NLGN1: variants seen among roughly 807,000 people sequenced by gnomAD.
NLGN1 encodes neuroligin 1.
In NLGN1, 12 loss-of-function variants were observed where a neutral mutation model predicts 65.5. That is an observed-to-expected ratio of 0.18 (90% CI 0.12 to 0.30). NLGN1 has a LOEUF of 0.30. Ranked by LOEUF, NLGN1 falls within the 10% of genes least tolerant of loss-of-function variation. NLGN1 has a pLI of 1.00. For missense variants in NLGN1, 750 were observed against 1,007.1 expected (o/e 0.74, Z 3.46); for synonymous variants, 350 against 359.5 (o/e 0.97, Z 0.30).
At chr3:174,211,226 C>A (rs557215310) in intron 4 of NLGN1, among the ~76,000 whole-genome samples, 1 of 152,178 alleles carries the variant, frequency 6.6e-6, no homozygotes, top group African/African-American at 2.4e-5. Context: ...GGGACCCCAG[C>A]GGGTTGCCAA....
chr3:173,412,363 A>G (rs1249425423), intron 1 of NLGN1, among the ~76,000 whole-genome samples: 1 of 151,948 alleles, frequency 6.6e-6, no homozygotes, highest in Non-Finnish European at 1.5e-5. Context: ...ACATATTTGC[A>G]CAGGTGATTT....
intron 3 of NLGN1, among the ~76,000 whole-genome samples, chr3:173,628,041 C>G (rs1209270439): frequency 6.6e-6 from 1 of 152,074 alleles, no homozygotes; most frequent in Non-Finnish European, 1.5e-5. Context: ...AGGTATTGCT[C>G]TCTTCTTCTG....
intron 4 of NLGN1, among the ~76,000 whole-genome samples, chr3:174,274,830 C>CAA (rs1300694934): frequency 6.6e-6 from 1 of 151,088 alleles, no homozygotes; most frequent in Non-Finnish European, 1.5e-5. Flanking sequence ...TCTTTCTCTA[C>CAA]AAGTCTTACA....
At chr3:173,881,342 C>T (rs1423733960) in intron 4 of NLGN1, among the ~76,000 whole-genome samples, 1 of 151,572 alleles carries the variant, frequency 6.6e-6, no homozygotes, top group Non-Finnish European at 1.5e-5. Context: ...TGTGATCCAC[C>T]TGCCTCGGCC....
intron 1 of NLGN1, among the ~76,000 whole-genome samples, chr3:173,419,017 C>CTTTTTTTTT (rs1714402944): frequency 1.8e-4 from 2 of 11,284 alleles, no homozygotes; most frequent in African/African-American, 7.6e-4. Flanking sequence ...CTTTCTTCTT[C>CTTTTTTTTT]TTCTTTTTTT....
At chr3:174,088,757 AAAATAAATAAATAAATAAAT>A (rs71162375) in intron 4 of NLGN1, among the ~76,000 whole-genome samples, 13 of 141,238 alleles carry the variant, frequency 9.2e-5, no homozygotes, top group African/African-American at 1.9e-4. Flanking sequence ...CATCTCAATA[AAAATAAATAAATAAATAAAT>A]AAATAAATAA....
intron 2 of NLGN1, among the ~76,000 whole-genome samples, chr3:173,504,875 G>A (rs910253848): frequency 4.6e-5 from 7 of 151,694 alleles, no homozygotes; most frequent in Admixed American, 1.3e-4. Context: ...AGTCTATTTC[G>A]TGTTGGACTT....
chr3:173,536,521 A>C (rs932656753), intron 2 of NLGN1, among the ~76,000 whole-genome samples: 10 of 152,246 alleles, frequency 6.6e-5, no homozygotes, highest in African/African-American at 2.4e-4. Context: ...GAGTATCTTC[A>C]TGTACTTGTT....
chr3:173,455,922 A>G (rs950810795), intron 2 of NLGN1, among the ~76,000 whole-genome samples: 1 of 152,150 alleles, frequency 6.6e-6, no homozygotes, highest in Non-Finnish European at 1.5e-5. Context: ...ATTCCAGTAC[A>G]GGTGGGAGGG....
intron 3 of NLGN1, among the ~76,000 whole-genome samples, chr3:173,759,619 C>CA (rs896482634): frequency 1.8e-4 from 27 of 151,848 alleles, no homozygotes; most frequent in African/African-American, 6.3e-4. Flanking sequence ...TCTACTGAGG[C>CA]AAAAAGCCCT....
chr3:174,050,443 C>G (rs969996827), intron 4 of NLGN1, among the ~76,000 whole-genome samples: 1 of 151,764 alleles, frequency 6.6e-6, no homozygotes, highest in African/African-American at 2.4e-5. Context: ...TCAGATTGAC[C>G]TAGCATTTAA....
intron 4 of NLGN1, among the ~76,000 whole-genome samples, chr3:174,162,157 G>C: frequency 6.6e-6 from 1 of 151,892 alleles, no homozygotes; most frequent in East Asian, 1.9e-4. Context: ...ATGTGTGTTA[G>C]ATATGATTTT....
At chr3:174,079,192 G>GA (rs375959106) in intron 4 of NLGN1, among the ~76,000 whole-genome samples, 52 of 145,736 alleles carry the variant, frequency 3.6e-4, no homozygotes, top group African/African-American at 1.1e-3. Context: ...AAATTTACAA[G>GA]AAAAAAAAAA....
intron 4 of NLGN1, among the ~76,000 whole-genome samples, chr3:174,166,893 A>G (rs892286453): frequency 3.3e-5 from 5 of 151,808 alleles, no homozygotes; most frequent in Non-Finnish European, 7.4e-5. Flanking sequence ...TTTTGTATAG[A>G]TAAGTCTTCT....
At chr3:174,069,444 G>A (rs1043298911) in intron 4 of NLGN1, among the ~76,000 whole-genome samples, 10 of 152,142 alleles carry the variant, frequency 6.6e-5, no homozygotes, top group East Asian at 1.9e-4. Flanking sequence ...TTGCAGTGAC[G>A]GGAAAGATGA....
chr3:174,092,786 A>C (rs1178515170), intron 4 of NLGN1, among the ~76,000 whole-genome samples: 1 of 152,172 alleles, frequency 6.6e-6, no homozygotes, highest in East Asian at 1.9e-4. Flanking sequence ...TAAAGAGAAT[A>C]TGAACATTCA....
At chr3:173,493,494 T>C (rs1488883206) in intron 2 of NLGN1, among the ~76,000 whole-genome samples, 1 of 151,918 alleles carries the variant, frequency 6.6e-6, no homozygotes, top group East Asian at 1.9e-4. Flanking sequence ...GTGGGTGATG[T>C]ATGTTAGTTA....
At chr3:173,524,525 C>T (rs1285292058) in intron 2 of NLGN1, among the ~76,000 whole-genome samples, 1 of 152,140 alleles carries the variant, frequency 6.6e-6, no homozygotes, top group Admixed American at 6.5e-5. Flanking sequence ...GATTACTTGG[C>T]TTCTCTTTTC....
chr3:174,176,391 G>GTA (rs147927052), intron 4 of NLGN1, among the ~76,000 whole-genome samples: 1 of 151,190 alleles, frequency 6.6e-6, no homozygotes, highest in African/African-American at 2.4e-5. Context: ...TTTTATAGAT[G>GTA]CAAAAAAAAA....
Sources: allele counts gnomAD v4.1 joint callset (sites outside exome capture counted in the v4.1 genomes callset), GRCh38; gene constraint gnomAD v4.1.1; transcripts MANE v1.5; gene names NCBI Gene and HGNC (gene_info 2026-07-23, HGNC 2026-07-21).